FGFR2: variants seen among roughly 807,000 people sequenced by gnomAD.
FGFR2 encodes fibroblast growth factor receptor 2.
A neutral mutation model predicts 95.9 loss-of-function variants in FGFR2; 19 were observed. The observed-to-expected ratio is 0.20, with a 90% CI of 0.14 to 0.29. The LOEUF (loss-of-function observed/expected upper bound fraction) is 0.29, where lower values mean the gene tolerates loss of function less well. Among genes scored for constraint, FGFR2 ranks in the 10% least tolerant of loss-of-function variants. The pLI is 1.00. For synonymous variants in FGFR2, 392 were observed against 393.3 expected (o/e 1.00, Z 0.04); for missense variants, 707 against 1,056.9 (o/e 0.67, Z 4.59).
At chr10:121,594,010 C>A in intron 1 of FGFR2, 43 bp from the exon 2 acceptor site, 1 of 671,534 alleles carries the variant, frequency 1.5e-6, no homozygotes, top group Non-Finnish European at 2.7e-6. Context: ...TTCCCCAATG[C>A]CAAATCACTC....
At chr10:121,567,408 A>G (rs1359841959) in intron 2 of FGFR2, among the ~76,000 whole-genome samples, 1 of 152,266 alleles carries the variant, frequency 6.6e-6, no homozygotes, top group Non-Finnish European at 1.5e-5. Context: ...CAAAGCAAGG[A>G]AAGCCCAGCT....
intron 5 of FGFR2, among the ~76,000 whole-genome samples, chr10:121,551,079 G>A (rs1855325729): frequency 6.6e-6 from 1 of 152,164 alleles, no homozygotes; most frequent in African/African-American, 2.4e-5. Context: ...AATTAGCGAG[G>A]CATGGTGGCA....
chr10:121,561,877 C>G (rs1383199673), intron 4 of FGFR2, among the ~76,000 whole-genome samples: 1 of 152,156 alleles, frequency 6.6e-6, no homozygotes, highest in Admixed American at 6.6e-5. Context: ...AAAAATGGGC[C>G]AACGGCCTTA....
At chr10:121,488,553 AAAAAAAG>A (rs1471885959) in intron 13 of FGFR2, among the ~76,000 whole-genome samples, 2 of 151,886 alleles carry the variant, frequency 1.3e-5, no homozygotes, top group East Asian at 1.9e-4. Context: ...AAAAAAAAAA[AAAAAAAG>A]AAAGAAAAGA....
chr10:121,517,402 A>T lies in FGFR2; in HGVS notation c.1001T>A (p.Phe334Tyr), dbSNP rs372612885. ...GCACGTATATTCCCCAGCGTCCTCA[A>T]AAGTTACATTCCGAATATAGAGAAC... is the stretch of plus-strand genomic sequence containing the variant. ...IEVLYIRNVT[F>Y]EDAGEYTCLA... Residue 334 changes from phenylalanine (F) to tyrosine (Y), a missense_variant, in exon 8 of 18, where the codon TTT (phenylalanine) becomes TAT (tyrosine). Transcript: ENST00000358487. The surrounding 1 kb of genome is among the most constrained non-coding windows in gnomAD (Gnocchi z 4.7). 2 of 1,614,120 alleles carry T rather than the reference A, an allele frequency of 1.2e-6. No homozygotes were observed. The highest frequency in any genetic ancestry group is 1.7e-6 in the Non-Finnish European group (2 of 1,180,052).
intron 9 of FGFR2, among the ~76,000 whole-genome samples, chr10:121,507,145 T>A (rs974687698): frequency 2.6e-5 from 4 of 152,200 alleles, no homozygotes; most frequent in Non-Finnish European, 5.9e-5. Context: ...AGGCCCCGCA[T>A]TAGGCAGGCT....
chr10:121,553,058 A>G (rs1183202674), intron 4 of FGFR2, among the ~76,000 whole-genome samples: 1 of 152,296 alleles, frequency 6.6e-6, no homozygotes, highest in East Asian at 1.9e-4. Flanking sequence ...CTGCATCCAA[A>G]CACCTACCCC....
intron 16 of FGFR2, among the ~76,000 whole-genome samples, chr10:121,484,056 C>T (rs1208446922): frequency 6.6e-6 from 1 of 152,096 alleles, no homozygotes; most frequent in Non-Finnish European, 1.5e-5. Context: ...TATGTGTTTT[C>T]CCTGGTAACC....
intron 6 of FGFR2, among the ~76,000 whole-genome samples, chr10:121,523,801 T>C (rs1401022659): frequency 2.6e-5 from 4 of 152,228 alleles, no homozygotes; most frequent in African/African-American, 9.6e-5. Flanking sequence ...AAATCTTAAA[T>C]GTCATAAGCC....
At chr10:121,564,708 G>T in intron 3 of FGFR2, 129 bp from the exon 4 acceptor site, 1 of 789,920 alleles carries the variant, frequency 1.3e-6, no homozygotes, top group Non-Finnish European at 2.2e-6. Flanking sequence ...GCCTGGGATT[G>T]TTTTCAGTTA....
At chr10:121,515,506 AG>A (rs1165118415) in intron 8 of FGFR2, among the ~76,000 whole-genome samples, 187 bp from the exon 9 acceptor site, 1 of 152,134 alleles carries the variant, frequency 6.6e-6, no homozygotes, top group African/African-American at 2.4e-5. Context: ...ACCAGGACCC[AG>A]GTAGTCACTG....
In FGFR2 at chr10:121,517,579, G is replaced by T; in HGVS notation, c.940-116C>A. Reference sequence around the variant, plus strand: ...CTTCAGGGGGTGCTGGCCACTGGGAGATTCCGACTGCAGCCCATCCACAAA... The same window carrying T: ...CTTCAGGGGGTGCTGGCCACTGGGATATTCCGACTGCAGCCCATCCACAAA... On this transcript the variant is annotated intron_variant, in intron 7 of 17. Coordinates refer to ENST00000358487, the MANE Select transcript of FGFR2 (RefSeq NM_000141.5). The surrounding 1 kb of genome is among the most constrained non-coding windows in gnomAD (Gnocchi z 4.7). The T allele has an allele frequency of 1.7e-6, 2 of 1,175,998 alleles. No individual in the cohort carries two copies. The highest frequency in any genetic ancestry group is 2.5e-6 in the Non-Finnish European group (2 of 805,156). 72.8% of individuals were successfully genotyped at this position (1,175,998 alleles called of 1,614,324 possible). A position where few individuals can be genotyped will look rare whatever the true frequency, so the allele number is the denominator to read the frequency against.
In FGFR2 at chr10:121,593,859, T is replaced by C. The variant is rs1323505513; in HGVS notation, c.-42A>G. ...CCCGGTCCTCTTCCATATCTCCATG[T>C]GGACGTTAATCCCATCTGCACACTT... On this transcript the variant is annotated 5_prime_UTR_variant, in exon 2 of 18. Transcript: ENST00000358487. 6.4e-7 allele frequency: 1 copy of C among 1,558,272 alleles called. No individual in the cohort carries two copies. Among genetic ancestry groups the C allele is most frequent in the Admixed American group, 1.7e-5 (1 of 59,928 alleles).
chr10:121,478,417 A>T lies in FGFR2; in HGVS notation c.*1440T>A, dbSNP rs1001590469. 2 of 233,364 alleles carry T rather than the reference A, an allele frequency of 8.6e-6. No individual in the cohort carries two copies. The highest frequency in any genetic ancestry group is 1.7e-5 in the Non-Finnish European group (2 of 117,916). 14.5% of individuals were successfully genotyped at this position (233,364 alleles called of 1,614,324 possible). On this transcript the variant is annotated 3_prime_UTR_variant, in exon 18 of 18. Transcript: ENST00000358487. ...ATTTTTATTGTCAGTATAAAAATTA[A>T]CAGGTTTTATTAAATACTTTCTCCA...
chr10:121,503,593 T>C (rs1038498523), intron 10 of FGFR2, among the ~76,000 whole-genome samples, 197 bp downstream of exon 10: 1 of 152,152 alleles, frequency 6.6e-6, no homozygotes, highest in African/African-American at 2.4e-5. Flanking sequence ...TAGCTCTGCT[T>C]TCAAGGAGTT....
chr10:121,526,503 G>C (rs1851389513), intron 6 of FGFR2, among the ~76,000 whole-genome samples: 1 of 152,194 alleles, frequency 6.6e-6, no homozygotes, highest in Non-Finnish European at 1.5e-5. Context: ...AAATCTCGTT[G>C]GGTTCTGAGT....
chr10:121,494,919 A>T (rs1196769177), intron 13 of FGFR2, among the ~76,000 whole-genome samples: 1 of 152,136 alleles, frequency 6.6e-6, no homozygotes, highest in East Asian at 1.9e-4. Context: ...GGACACTCAC[A>T]AATGTCCTTT....
At chr10:121,514,641 C>T (rs147031759) in intron 9 of FGFR2, among the ~76,000 whole-genome samples, 184 of 152,254 alleles carry the variant, frequency 1.2e-3, no homozygotes, top group Non-Finnish European at 1.2e-3. Context: ...TTCAGATGCA[C>T]CCCCAGGGCA....
chr10:121,509,327 G>A (rs775631648), intron 9 of FGFR2, among the ~76,000 whole-genome samples: 35 of 151,098 alleles, frequency 2.3e-4, no homozygotes, highest in Non-Finnish European at 4.0e-4. Context: ...CTCACTTTCC[G>A]GAATCTCTCC....
Sources: gnomAD v4.1 joint callset for allele counts (sites outside exome capture counted in the v4.1 genomes callset) on GRCh38, gnomAD v4.1.1 for gene constraint, Gnocchi (gnomAD v3.1) non-coding constraint, MANE v1.5 for transcripts, NCBI Gene and HGNC (gene_info 2026-07-23, HGNC 2026-07-21) for gene names.